The following ZNF608 variants were observed in gnomAD, a reference collection of about 807,000 sequenced individuals.
ZNF608 encodes the protein renal carcinoma antigen NY-REN-36.
Under a neutral mutation model 109.0 loss-of-function variants are expected in ZNF608, and 12 were observed. The observed-to-expected ratio is 0.11, with a 90% CI of 0.07 to 0.18. The LOEUF is 0.18. ZNF608 is among the 10% of genes least tolerant of loss of function. The pLI, the probability that ZNF608 is intolerant of heterozygous loss-of-function variation, is 1.00. For synonymous variants in ZNF608, 732 were observed against 717.4 expected (o/e 1.02, Z -0.33); for missense variants, 1,707 against 1,879.3 (o/e 0.91, Z 1.70).
upstream of ZNF608, chr5:124,746,850 C>T (rs1452412023): frequency 6.6e-6 from 6 of 915,666 alleles, no homozygotes; most frequent in Middle Eastern, 1.1e-3. Context: ...GGATGAGAAA[C>T]TGGGCAAGAG....
intron 3 of ZNF608, among the ~76,000 whole-genome samples, chr5:124,667,536 G>A (rs899506648): frequency 6.6e-6 from 1 of 152,166 alleles, no homozygotes; most frequent in African/African-American, 2.4e-5. Context: ...AAGTAGCAGG[G>A]TCTTCGATGT....
intron 2 of ZNF608, among the ~76,000 whole-genome samples, chr5:124,711,169 C>T (rs548758735): frequency 1.3e-5 from 2 of 152,316 alleles, no homozygotes; most frequent in East Asian, 3.9e-4. Context: ...GCTCACAGGT[C>T]CAGAATTCGG....
chr5:124,650,635 A>C (rs1359284024), intron 3 of ZNF608, among the ~76,000 whole-genome samples: 2 of 152,234 alleles, frequency 1.3e-5, no homozygotes, highest in Non-Finnish European at 2.9e-5. Context: ...TGAGAGGACA[A>C]ATGCCAAATT....
At chr5:124,735,904 A>G (rs370271515) in intron 2 of ZNF608, among the ~76,000 whole-genome samples, 2 of 152,244 alleles carry the variant, frequency 1.3e-5, no homozygotes, top group Admixed American at 1.3e-4. Flanking sequence ...TCGCTTTTCA[A>G]TTACTGAAGA....
At position 124,701,284 on chromosome 5, in the gene ZNF608, G is replaced by A. The variant is rs1490514907; in HGVS notation, c.907-15C>T. ...AGGGGGTCAACCTGAAAGACAGACA[G>A]GCTTACTGCAGTAGTGCTGCATTCC... On this transcript the variant is annotated splice_polypyrimidine_tract_variant and intron_variant, in intron 2 of 9. Coordinates refer to ENST00000513986, the MANE Select transcript of ZNF608 (RefSeq NM_020747.3). 1 of 1,613,552 alleles carries A rather than the reference G, an allele frequency of 6.2e-7. No individual in the cohort carries two copies. Among genetic ancestry groups the A allele is most frequent in the Non-Finnish European group, 8.5e-7 (1 of 1,179,708 alleles).
chr5:124,656,747 TA>T (rs11384375), intron 3 of ZNF608, among the ~76,000 whole-genome samples: 24 of 145,212 alleles, frequency 1.7e-4, no homozygotes, highest in African/African-American at 2.3e-4. Flanking sequence ...AATCCTTTTT[TA>T]AAAAAAAAAT....
chr5:124,641,972 GT>G (rs1388670485), intron 7 of ZNF608, among the ~76,000 whole-genome samples: 1 of 152,136 alleles, frequency 6.6e-6, no homozygotes, highest in East Asian at 1.9e-4. Flanking sequence ...CCAAACCATA[GT>G]TTGGGGTAAG....
intron 3 of ZNF608, among the ~76,000 whole-genome samples, chr5:124,697,365 TTGTTA>T (rs1752892690): frequency 6.6e-6 from 1 of 152,038 alleles, no homozygotes; most frequent in Non-Finnish European, 1.5e-5. Flanking sequence ...CTGGTTTGTT[TTGTTA>T]TTTTTTTTTT....
At chr5:124,707,535 T>A (rs1447821435) in intron 2 of ZNF608, among the ~76,000 whole-genome samples, 2 of 152,226 alleles carry the variant, frequency 1.3e-5, no homozygotes, top group Admixed American at 6.5e-5. Flanking sequence ...TTATAGTCTA[T>A]GAGAATGCTG....
intron 3 of ZNF608, among the ~76,000 whole-genome samples, chr5:124,673,157 A>C (rs1561550851): frequency 6.6e-6 from 1 of 152,232 alleles, no homozygotes; most frequent in Non-Finnish European, 1.5e-5. Flanking sequence ...CAGTATGAGC[A>C]TAGTTTGTGC....
intron 2 of ZNF608, among the ~76,000 whole-genome samples, chr5:124,732,821 C>G (rs898728171): frequency 3.3e-5 from 5 of 152,160 alleles, no homozygotes; most frequent in Non-Finnish European, 7.3e-5. Flanking sequence ...CCACCACCAC[C>G]ATTCCTCCTT....
chr5:124,731,984 C>G (rs140970229), intron 2 of ZNF608, among the ~76,000 whole-genome samples: 7 of 152,218 alleles, frequency 4.6e-5, no homozygotes, highest in African/African-American at 1.7e-4. Context: ...ACTACTTAGA[C>G]CTAATTTTTT....
intron 3 of ZNF608, among the ~76,000 whole-genome samples, chr5:124,682,144 C>G (rs1435503829): frequency 1.3e-5 from 2 of 152,210 alleles, no homozygotes; most frequent in African/African-American, 4.8e-5. Flanking sequence ...GCAATCTCCT[C>G]TCACTGCAAC....
intron 2 of ZNF608, among the ~76,000 whole-genome samples, chr5:124,737,555 A>G (rs2149899657): frequency 6.6e-6 from 1 of 152,260 alleles, no homozygotes; most frequent in Non-Finnish European, 1.5e-5. Context: ...CACTGGGGGG[A>G]AAAGCCTTCT....
At chr5:124,699,558 T>C (rs1415796723) in intron 3 of ZNF608, among the ~76,000 whole-genome samples, 4 of 152,246 alleles carry the variant, frequency 2.6e-5, no homozygotes, top group African/African-American at 9.6e-5. Flanking sequence ...CTTTCAGTCC[T>C]TTTCTCTGAT....
chr5:124,681,302 A>T (rs1752186824), intron 3 of ZNF608, among the ~76,000 whole-genome samples: 1 of 152,052 alleles, frequency 6.6e-6, no homozygotes, highest in Non-Finnish European at 1.5e-5. Flanking sequence ...AAAATACAAA[A>T]AAAAGTTAGC....
upstream of ZNF608, among the ~76,000 whole-genome samples, chr5:124,747,871 G>A (rs1232161280): frequency 2.6e-5 from 4 of 152,144 alleles, no homozygotes; most frequent in African/African-American, 9.7e-5. Flanking sequence ...GAGCTACTTG[G>A]ATTTTAGGGA....
At chr5:124,729,577 A>G (rs914497072) in intron 2 of ZNF608, among the ~76,000 whole-genome samples, 2 of 152,232 alleles carry the variant, frequency 1.3e-5, no homozygotes, top group South Asian at 4.1e-4. Flanking sequence ...TGCTGTTACA[A>G]CAAATTCTTT....
At chr5:124,682,672 T>G (rs1424321993) in intron 3 of ZNF608, among the ~76,000 whole-genome samples, 1 of 152,238 alleles carries the variant, frequency 6.6e-6, no homozygotes, top group Non-Finnish European at 1.5e-5. Flanking sequence ...GGCATGACAG[T>G]TGATGGTGAA....
Sources: allele counts gnomAD v4.1 joint callset (sites outside exome capture counted in the v4.1 genomes callset), GRCh38; gene constraint gnomAD v4.1.1; transcripts MANE v1.5; gene names NCBI Gene and HGNC (gene_info 2026-07-23, HGNC 2026-07-21).